The following ZNF410 variants were observed in gnomAD, a reference collection of about 807,000 sequenced individuals.
ZNF410 encodes zinc finger protein 410, also known as another partner for ARF 1.
ZNF410 carries 18 observed loss-of-function variants against 54.8 expected under a neutral mutation model. The ratio of observed to expected loss-of-function variants is 0.33; its 90% CI spans 0.23 to 0.49. The LOEUF is 0.49. ZNF410 is among the 20% of genes least tolerant of loss of function. ZNF410 has a pLI of 0.99. For missense variants in ZNF410, 405 were observed against 569.6 expected (o/e 0.71, Z 2.94); for synonymous variants, 191 against 207.3 (o/e 0.92, Z 0.68).
In ZNF410 at chr14:73,925,927, G is replaced by A. The variant is rs115336195; in HGVS notation, c.1398+2405G>A. The stretch of plus-strand genomic sequence containing the variant: ...CATGTGCCTGTGGTCCCAACTACTC[G>A]GGAGGCTGAAGTAGGAGGATCACCT... On this transcript the variant is annotated intron_variant, in intron 11 of 11. Coordinates refer to ENST00000555044, the MANE Select transcript of ZNF410 (RefSeq NM_021188.3). Among the ~76,000 whole-genome samples the A allele has an allele frequency of 4.4e-3, 677 of 152,228 alleles. 6 individuals are homozygous for A. The highest frequency in any genetic ancestry group is 0.016 in the African/African-American group (656 of 41,550).
chr14:73,909,523 C>CA, intron 8 of ZNF410, 93 bp downstream of exon 8: 1 of 987,840 alleles, frequency 1.0e-6, no homozygotes, highest in Non-Finnish European at 1.5e-6. Context: ...TAAAAAGAAA[C>CA]AAACTGTTCA....
chr14:73,909,611 G>T, intron 8 of ZNF410, 181 bp downstream of exon 8: 4 of 503,766 alleles, frequency 7.9e-6, no homozygotes, highest in African/African-American at 1.9e-5. Context: ...CAAGGTTGGG[G>T]GGGGGACATC....
chr14:73,931,859 G>A lies in ZNF410; in HGVS notation c.*318G>A. 2 of 445,634 alleles carry A rather than the reference G, an allele frequency of 4.5e-6. No homozygotes were observed. Among genetic ancestry groups the A allele is most frequent in the Non-Finnish European group, 8.9e-6 (2 of 225,734 alleles). The allele number at this position is 445,634 out of a possible 1,614,324, so 27.6% of individuals were successfully genotyped here. A position where few individuals can be genotyped will look rare whatever the true frequency, so the allele number is the denominator to read the frequency against. ...TTGGCTGAAGTTCTTCATTCTGACTGTTGAGGGGAGGTTTTCCTTTGAAGA... is the reference window on the plus strand; with the variant it reads ...TTGGCTGAAGTTCTTCATTCTGACTATTGAGGGGAGGTTTTCCTTTGAAGA... On this transcript the variant is annotated 3_prime_UTR_variant, in exon 12 of 12. Transcript: ENST00000555044.
intron 11 of ZNF410, among the ~76,000 whole-genome samples, chr14:73,929,584 G>C (rs1023606862): frequency 6.6e-6 from 1 of 152,016 alleles, no homozygotes; most frequent in African/African-American, 2.4e-5. Context: ...GGGTGCGGTG[G>C]CTAGCACTTT....
intron 5 of ZNF410, among the ~76,000 whole-genome samples, chr14:73,902,709 C>G (rs1248742900): frequency 6.6e-6 from 1 of 152,076 alleles, no homozygotes; most frequent in Non-Finnish European, 1.5e-5. Flanking sequence ...AATTAAATGA[C>G]TATTAATTTT....
chr14:73,909,990 C>T (rs759751449), intron 8 of ZNF410, among the ~76,000 whole-genome samples: 1 of 152,104 alleles, frequency 6.6e-6, no homozygotes, highest in Non-Finnish European at 1.5e-5. Context: ...TAAATTAATT[C>T]CCTGCAATTC....
intron 8 of ZNF410, among the ~76,000 whole-genome samples, chr14:73,915,136 A>C: frequency 6.6e-6 from 1 of 150,384 alleles, no homozygotes; most frequent in East Asian, 2.1e-4. Flanking sequence ...GTAGCTCATG[A>C]CTGTAATCCC....
In ZNF410 at chr14:73,898,071, G is replaced by A; in HGVS notation, c.389G>A (p.Gly130Asp). 1 of 1,611,664 alleles carries A rather than the reference G, an allele frequency of 6.2e-7. No homozygotes were observed. Among genetic ancestry groups the A allele is most frequent in the Non-Finnish European group, 8.5e-7 (1 of 1,178,358 alleles). Residue 130 changes from glycine to aspartate, a missense_variant and splice_region_variant, in exon 5 of 12, where the codon GGT becomes GAT. By Grantham distance (94) the Gly-to-Asp change is moderately conservative. Around this residue, in one of 3 missense-constraint regions of ZNF410, gnomAD observed 247 missense variants for 342.8 expected, o/e 0.72. Transcript: ENST00000555044. Reference protein sequence around the residue: ...SFILLNLTRAGLGSSAEHLVF... With the variant: ...SFILLNLTRADLGSSAEHLVF... ...TTTTCATATATTTTGTTTCTTCCAG[G>A]TCTGGGCTCTTCAGCTGAGCACTTA...
chr14:73,898,217 G>T lies in ZNF410; in HGVS notation c.535G>T (p.Ala179Ser). ...QELAHDSLIA[A>S]TRAQLAKNAK... ...GTTGGCCCATGACAGTTTGATTGCTGCTACTCGTGCACAACTGGCAAAGAA... is the reference window on the plus strand; with the variant it reads ...GTTGGCCCATGACAGTTTGATTGCTTCTACTCGTGCACAACTGGCAAAGAA... The change falls in exon 5 of 12, where the codon GCT (alanine) becomes TCT (serine). Residue 179 changes from alanine to serine, a missense_variant. Around this residue, in one of 3 missense-constraint regions of ZNF410, gnomAD observed 247 missense variants for 342.8 expected, o/e 0.72. Coordinates refer to ENST00000555044, the MANE Select transcript of ZNF410 (RefSeq NM_021188.3). 5 of 1,614,114 alleles carry T rather than the reference G, an allele frequency of 3.1e-6. No homozygotes were observed. Among genetic ancestry groups the T allele is most frequent in the Non-Finnish European group, 4.2e-6 (5 of 1,180,024 alleles).
chr14:73,931,361 T>C (rs961111203), intron 11 of ZNF410, 142 bp from the exon 12 acceptor site: 3 of 657,322 alleles, frequency 4.6e-6, no homozygotes, highest in Non-Finnish European at 8.0e-6. Flanking sequence ...AGTCCGTGCA[T>C]GTGTTTGCTT....
chr14:73,932,358 G>A lies in ZNF410; in HGVS notation c.*817G>A. On this transcript the variant is annotated 3_prime_UTR_variant, in exon 12 of 12. Transcript: ENST00000555044. ...ATCTTTCCCTTTAAAATAGTGTATTGATTTACCCTTAGGATTCCATACCAG... is the reference window on the plus strand; with the variant it reads ...ATCTTTCCCTTTAAAATAGTGTATTAATTTACCCTTAGGATTCCATACCAG... The A allele has an allele frequency of 2.5e-6, 1 of 406,336 alleles. No homozygotes were observed. Among genetic ancestry groups the A allele is most frequent in the Non-Finnish European group, 4.8e-6 (1 of 209,698 alleles). 25.2% of individuals were successfully genotyped at this position (406,336 alleles called of 1,614,324 possible).
At chr14:73,918,366 C>G (rs972191124) in intron 8 of ZNF410, among the ~76,000 whole-genome samples, 7 of 152,142 alleles carry the variant, frequency 4.6e-5, no homozygotes, top group Admixed American at 3.3e-4. Context: ...TCCCAAAGTA[C>G]TAGGATTACA....
chr14:73,894,050 A>G, intron 3 of ZNF410, 118 bp downstream of exon 3: 1 of 1,356,434 alleles, frequency 7.4e-7, no homozygotes, highest in African/African-American at 1.5e-5. Flanking sequence ...TGTAAAAATT[A>G]GGAGTCATGG....
chr14:73,901,393 G>T (rs2055404150), intron 5 of ZNF410, among the ~76,000 whole-genome samples: 1 of 150,956 alleles, frequency 6.6e-6, no homozygotes, highest in South Asian at 2.1e-4. Flanking sequence ...CAACATGATA[G>T]AACTCAAATA....
chr14:73,922,918 T>C (rs550991283), intron 10 of ZNF410: 1 of 152,448 alleles, frequency 6.6e-6, no homozygotes, highest in Admixed American at 6.5e-5. Context: ...AGAAGAAACT[T>C]CTAGTTTTTT....
In ZNF410 at chr14:73,904,808, T is replaced by TA. The variant is rs553176796; in HGVS notation, c.732-93dup. 2,327 of 1,390,404 alleles carry TA rather than the reference T, an allele frequency of 1.7e-3. 7 individuals carry two copies. Among genetic ancestry groups the TA allele is most frequent in the Non-Finnish European group, 1.7e-3 (1,734 of 1,036,584 alleles). The allele number at this position is 1,390,404 out of a possible 1,614,324, so 86.1% of individuals were successfully genotyped here. ...TTCTGATATATCCAGTTTTTGGACT[T>TA]ACTGTTTGCCTTGAGAGTCAATAGG... is the stretch of plus-strand genomic sequence containing the variant. On this transcript the variant is annotated intron_variant, in intron 6 of 11. Coordinates refer to ENST00000555044, the MANE Select transcript of ZNF410 (RefSeq NM_021188.3).
At position 73,931,700 on chromosome 14, in the gene ZNF410, G is replaced by A; in HGVS notation, c.*159G>A. ...CTCTTTCCTGGTATAGAAGATGGATGTAGGAGAGCTTCTTTTCTAACTACC... is the reference window on the plus strand; with the variant it reads ...CTCTTTCCTGGTATAGAAGATGGATATAGGAGAGCTTCTTTTCTAACTACC... On this transcript the variant is annotated 3_prime_UTR_variant, in exon 12 of 12. Transcript: ENST00000555044. The A allele has an allele frequency of 3.0e-6, 2 of 661,508 alleles. No homozygotes were observed. Among genetic ancestry groups the A allele is most frequent in the South Asian group, 1.7e-5 (1 of 60,370 alleles). 41.0% of individuals were successfully genotyped at this position (661,508 alleles called of 1,614,324 possible).
intron 2 of ZNF410, 47 bp from the exon 3 acceptor site, chr14:73,893,750 C>G: frequency 6.4e-7 from 1 of 1,565,700 alleles, no homozygotes; most frequent in Non-Finnish European, 8.6e-7. Flanking sequence ...GGTTTAGATA[C>G]ATTTCTAACA....
At chr14:73,906,630 C>T (rs2055494802) in intron 7 of ZNF410, among the ~76,000 whole-genome samples, 1 of 152,184 alleles carries the variant, frequency 6.6e-6, no homozygotes, top group South Asian at 2.1e-4. Flanking sequence ...CAGGTGTGCA[C>T]CACCACGCCC....
Sources: allele counts gnomAD v4.1 joint callset (sites outside exome capture counted in the v4.1 genomes callset), GRCh38; gene constraint gnomAD v4.1.1; regional missense constraint gnomAD v4.1.1; transcripts MANE v1.5; gene names NCBI Gene and HGNC (gene_info 2026-07-23, HGNC 2026-07-21).